The following SAMSN1 variants were observed in gnomAD, a reference collection of about 807,000 sequenced individuals.
SAMSN1 encodes the protein SAM domain, SH3 domain and nuclear localization signals 1.
A neutral mutation model predicts 42.0 loss-of-function variants in SAMSN1; 31 were observed. The observed-to-expected ratio is 0.74, with a 90% CI of 0.55 to 1.00. The LOEUF is 1.00. SAMSN1 is among the 50% of genes least tolerant of loss of function. SAMSN1 has a pLI of 0.00. For missense variants in SAMSN1, 464 were observed against 439.4 expected (o/e 1.06, Z -0.50); for synonymous variants, 178 against 151.9 (o/e 1.17, Z -1.26).
intron 7 of SAMSN1, among the ~76,000 whole-genome samples, chr21:14,593,407 A>G (rs1468404666): frequency 1.3e-5 from 2 of 152,126 alleles, no homozygotes; most frequent in Non-Finnish European, 2.9e-5. Context: ...GTATGTGAAT[A>G]TCCTGGAAAT....
intron 2 of SAMSN1, among the ~76,000 whole-genome samples, chr21:14,577,267 T>C (rs1981523657): frequency 1.9e-5 from 1 of 52,834 alleles, no homozygotes; most frequent in Non-Finnish European, 3.4e-5. Flanking sequence ...TATATATATA[T>C]ATATATATAT....
At chr21:14,639,716 A>G (rs764043154) in intron 2 of SAMSN1, among the ~76,000 whole-genome samples, 2 of 150,930 alleles carry the variant, frequency 1.3e-5, no homozygotes, top group East Asian at 3.9e-4. Flanking sequence ...TTAAAATAAC[A>G]TTATGGAGTG....
intron 1 of SAMSN1, among the ~76,000 whole-genome samples, chr21:14,526,187 G>A (rs1466343003): frequency 6.6e-6 from 1 of 152,098 alleles, no homozygotes. Context: ...ACTTTAATAA[G>A]GAATCAATTT....
intron 1 of SAMSN1, among the ~76,000 whole-genome samples, chr21:14,522,677 T>C (rs1255029335): frequency 6.6e-6 from 1 of 152,164 alleles, no homozygotes; most frequent in African/African-American, 2.4e-5. Context: ...AAAAACATCA[T>C]CAAATTTCTA....
intron 1 of SAMSN1, among the ~76,000 whole-genome samples, chr21:14,545,070 C>T (rs970803216): frequency 6.6e-6 from 1 of 152,056 alleles, no homozygotes. Flanking sequence ...CGTTATCTAG[C>T]TACATTTTAA....
At chr21:14,636,957 G>A (rs536358822) in intron 2 of SAMSN1, among the ~76,000 whole-genome samples, 1 of 152,206 alleles carries the variant, frequency 6.6e-6, no homozygotes, top group East Asian at 1.9e-4. Flanking sequence ...ATAACTAATT[G>A]CCTATCATCA....
intron 6 of SAMSN1, among the ~76,000 whole-genome samples, chr21:14,594,476 C>T (rs1349826589): frequency 1.3e-5 from 2 of 151,994 alleles, no homozygotes; most frequent in African/African-American, 4.8e-5. Context: ...CACTCTAATC[C>T]CTTAGTGCTC....
chr21:14,602,666 A>C (rs1286553900), intron 5 of SAMSN1, among the ~76,000 whole-genome samples: 1 of 152,204 alleles, frequency 6.6e-6, no homozygotes, highest in African/African-American at 2.4e-5. Context: ...CATTTATTTA[A>C]GTCTGAAATA....
chr21:14,587,739 A>G (rs976351425), upstream of SAMSN1, among the ~76,000 whole-genome samples: 1 of 149,790 alleles, frequency 6.7e-6, no homozygotes, highest in Admixed American at 6.6e-5. Context: ...TGTTTTATCC[A>G]TCACCTTATT....
At chr21:14,530,706 TCA>T (rs1272854261) in intron 1 of SAMSN1, among the ~76,000 whole-genome samples, 1 of 152,176 alleles carries the variant, frequency 6.6e-6, no homozygotes, top group East Asian at 1.9e-4. Flanking sequence ...AAAGCCATTT[TCA>T]GAGTTAAAAA....
At position 14,528,101 on chromosome 21, in the gene SAMSN1, C is replaced by A. The variant is rs150885677; in HGVS notation, c.58-6880G>T. 6.8e-4 allele frequency among the ~76,000 whole-genome samples: 104 copies of A among 152,142 alleles called. No individual in the cohort carries two copies. In the East Asian group the frequency reaches 0.019, roughly 28 times the overall value. ...GGCCGAAGAATTGGTATAATCAATT[C>A]TTTAAAAAACTATTAAAAAGGAAAT... On this transcript the variant is annotated intron_variant, in intron 1 of 7. Transcript: ENST00000400566.
At chr21:14,533,649 CTG>C (rs1979407896) in intron 1 of SAMSN1, among the ~76,000 whole-genome samples, 1 of 152,106 alleles carries the variant, frequency 6.6e-6, no homozygotes, top group Admixed American at 6.5e-5. Context: ...ATAAACCAAA[CTG>C]ATAAGATATC....
rs1415318542 is a variant in SAMSN1, at chr21:14,500,743, C to T, written c.562-8G>A. 1 of 1,594,678 alleles carries T rather than the reference C, an allele frequency of 6.3e-7. No individual in the cohort carries two copies. On this transcript the variant is annotated splice_polypyrimidine_tract_variant and splice_region_variant and intron_variant, in intron 5 of 7. Transcript: ENST00000400566. ...GTCTATGATGTCTCCTTTCTAAGGGCAAAGAAATCCATACACATTAGATTT... is the reference window on the plus strand; with the variant it reads ...GTCTATGATGTCTCCTTTCTAAGGGTAAAGAAATCCATACACATTAGATTT...
intron 2 of SAMSN1, among the ~76,000 whole-genome samples, chr21:14,570,296 G>T (rs953691789): frequency 3.9e-5 from 6 of 152,122 alleles, no homozygotes; most frequent in Non-Finnish European, 7.4e-5. Context: ...GTGGCAATAT[G>T]CATTATCTAT....
chr21:14,605,053 C>G (rs1982530174), intron 5 of SAMSN1, among the ~76,000 whole-genome samples: 1 of 152,140 alleles, frequency 6.6e-6, no homozygotes, highest in Non-Finnish European at 1.5e-5. Context: ...AAAAATATGC[C>G]ATCCAGCATA....
chr21:14,596,428 T>C (rs1416218623), intron 6 of SAMSN1, among the ~76,000 whole-genome samples: 1 of 152,186 alleles, frequency 6.6e-6, no homozygotes, highest in Non-Finnish European at 1.5e-5. Flanking sequence ...GGTTTTAAAA[T>C]ACACTCACAA....
intron 3 of SAMSN1, among the ~76,000 whole-genome samples, chr21:14,615,239 T>C (rs962989382): frequency 4.6e-5 from 7 of 152,044 alleles, no homozygotes; most frequent in African/African-American, 1.7e-4. Flanking sequence ...CCTAAGCTGT[T>C]AATCACCCAA....
intron 2 of SAMSN1, among the ~76,000 whole-genome samples, chr21:14,628,088 A>T (rs971237641): frequency 5.3e-5 from 8 of 152,218 alleles, no homozygotes; most frequent in African/African-American, 1.9e-4. Flanking sequence ...AGACTTAAAA[A>T]TATCAATTAA....
chr21:14,530,657 G>T (rs2822753), intron 1 of SAMSN1, among the ~76,000 whole-genome samples: 87,817 of 152,032 alleles, frequency 0.58, 25,829 homozygotes, highest in South Asian at 0.72. Flanking sequence ...ATGGATAGTT[G>T]GTCGATGTTT....
Sources: gnomAD v4.1 joint callset for allele counts (sites outside exome capture counted in the v4.1 genomes callset) on GRCh38, gnomAD v4.1.1 for gene constraint, MANE v1.5 for transcripts, NCBI Gene and HGNC (gene_info 2026-07-23, HGNC 2026-07-21) for gene names.